The following PCDHGB1 variants were observed in gnomAD, a reference collection of about 807,000 sequenced individuals.
The protein encoded by PCDHGB1 is protocadherin gamma subfamily B, 1.
Under a neutral mutation model 56.6 loss-of-function variants are expected in PCDHGB1, and 34 were observed. That is an observed-to-expected ratio of 0.60 (90% CI 0.46 to 0.80). The LOEUF is 0.80. PCDHGB1 is among the 30% of genes least tolerant of loss of function. PCDHGB1 has a pLI of 0.00. For missense variants in PCDHGB1, 1,278 were observed against 1,204.6 expected, an observed-to-expected ratio of 1.06 and a Z score of -0.90; for synonymous variants, 561 against 505.9, an observed-to-expected ratio of 1.11 and a Z score of -1.46.
In PCDHGB1 at chr5:141,383,648, C is replaced by T. The variant is rs781494472; in HGVS notation, c.2409+30979C>T. 2.5e-6 allele frequency: 4 copies of T among 1,614,034 alleles called. No individual in the cohort carries two copies. The Admixed American group carries it at 6.7e-5, about 27-fold the overall frequency. On this transcript the variant is annotated intron_variant, in intron 1 of 3. Transcript: ENST00000523390. Reference sequence around the variant, plus strand: ...TTCTCTCTGCCTCAGTACCAAGTAACTGTCCCCGAGAATGTGCCAGTGGGT... The same window carrying T: ...TTCTCTCTGCCTCAGTACCAAGTAATTGTCCCCGAGAATGTGCCAGTGGGT...
intron 1 of PCDHGB1, chr5:141,399,746 C>G (rs1478736881): frequency 2.5e-6 from 4 of 1,613,242 alleles, no homozygotes; most frequent in African/African-American, 2.7e-5. Context: ...GCGCTCAGCG[C>G]AAACGTGAGC....
intron 2 of PCDHGB1, among the ~76,000 whole-genome samples, chr5:141,503,685 G>A (rs1171934407): frequency 2.6e-5 from 4 of 151,882 alleles, no homozygotes; most frequent in African/African-American, 9.7e-5. Context: ...TTGGGAAGGA[G>A]AATTGAGATT....
At chr5:141,364,591 G>A (rs754833725) in intron 1 of PCDHGB1, 1 of 1,614,194 alleles carries the variant, frequency 6.2e-7, no homozygotes, top group Non-Finnish European at 8.5e-7. Flanking sequence ...TGGTCACCGC[G>A]GGCAGGATAG....
chr5:141,436,193 A>G (rs2097801112), intron 1 of PCDHGB1, among the ~76,000 whole-genome samples: 1 of 152,156 alleles, frequency 6.6e-6, no homozygotes, highest in South Asian at 2.1e-4. Flanking sequence ...AAATAGAAAG[A>G]AAGACATAAT....
At chr5:141,357,087 A>C in intron 1 of PCDHGB1, 1 of 1,613,882 alleles carries the variant, frequency 6.2e-7, no homozygotes, top group Non-Finnish European at 8.5e-7. Flanking sequence ...TGCGCACCGC[A>C]CGGGCCCTGC....
chr5:141,470,358 A>G (rs1263824284), intron 1 of PCDHGB1, among the ~76,000 whole-genome samples: 2 of 152,174 alleles, frequency 1.3e-5, no homozygotes, highest in African/African-American at 4.8e-5. Context: ...AAATAGACAC[A>G]TTAGGTTGAA....
chr5:141,425,695 T>C (rs1329762653), intron 1 of PCDHGB1, among the ~76,000 whole-genome samples: 1 of 152,232 alleles, frequency 6.6e-6, no homozygotes, highest in Non-Finnish European at 1.5e-5. Context: ...TATCATTTCA[T>C]AGTGGTCAAA....
intron 1 of PCDHGB1, among the ~76,000 whole-genome samples, chr5:141,381,826 C>CTTTTTTTTTTTTTTTTT (rs770630741): frequency 6.7e-5 from 5 of 74,282 alleles, no homozygotes; most frequent in Admixed American, 1.9e-4. Flanking sequence ...CTTTCTTCTT[C>CTTTTTTTTTTTTTTTTT]TTTTTTTTTT....
rs150123769 is a variant in PCDHGB1 at position 141,361,160 on chromosome 5, A to T, written c.2409+8491A>T. ...CAAGTTGAAATTCTTGATGACAACG[A>T]TTGTGCACCTGAAGTTATTGTGACT... On this transcript the variant is annotated intron_variant, in intron 1 of 3. Coordinates refer to ENST00000523390, the MANE Select transcript of PCDHGB1 (RefSeq NM_018922.3). 21 of 1,613,952 alleles carry T rather than the reference A, an allele frequency of 1.3e-5. 1 individual carries two copies. In the African/African-American group the frequency reaches 2.3e-4, roughly 17 times the overall value.
intron 1 of PCDHGB1, chr5:141,399,207 A>T (rs771939823): frequency 1.2e-6 from 2 of 1,613,992 alleles, no homozygotes; most frequent in South Asian, 2.2e-5. Flanking sequence ...TGCCTGGAAC[A>T]CTAATTGCTT....
intron 1 of PCDHGB1, chr5:141,390,391 T>C: frequency 7.1e-7 from 1 of 1,399,002 alleles, no homozygotes; most frequent in Non-Finnish European, 9.8e-7. Flanking sequence ...ATGTCATGGA[T>C]CATTTTAGGA....
intron 1 of PCDHGB1, chr5:141,412,671 A>T (rs1335241581): frequency 6.6e-6 from 1 of 152,290 alleles, no homozygotes; most frequent in Non-Finnish European, 1.5e-5. Flanking sequence ...AATATGACCT[A>T]AAATAAGTAT....
In PCDHGB1 at chr5:141,364,854, A is replaced by G. The variant is rs142073719; in HGVS notation, c.2409+12185A>G. The G allele has an allele frequency of 1.4e-3, 2,225 of 1,614,018 alleles. 3 individuals carry two copies. Among genetic ancestry groups the G allele is most frequent in the Non-Finnish European group, 1.7e-3 (2,042 of 1,179,888 alleles). ...CTCCGGAGTTACCAGCTCAGCTCCA[A>G]TCTGCACTTCTCTCTGGATGTGGTA... On this transcript the variant is annotated intron_variant, in intron 1 of 3. Transcript: ENST00000523390.
At chr5:141,423,722 GT>G in intron 1 of PCDHGB1, 1 of 954,176 alleles carries the variant, frequency 1.0e-6, no homozygotes, top group Admixed American at 5.1e-5. Flanking sequence ...TTAAGGAGAT[GT>G]TTTTTGAGCC....
Position 141,491,573 on chromosome 5 carries a change from T to G in PCDHGB1, c.2410-3234T>G. The G allele has an allele frequency of 6.2e-7, 1 of 1,613,912 alleles. No individual in the cohort carries two copies. The highest frequency in any genetic ancestry group is 8.5e-7 in the Non-Finnish European group (1 of 1,180,030). The stretch of plus-strand genomic sequence containing the variant: ...CAGAGCCACTGCTACAGGACGTGCT[T>G]TTCACCGGCCTCGGACGGCAGTGAC... On this transcript the variant is annotated intron_variant, in intron 1 of 3. Transcript: ENST00000523390. The surrounding 1 kb of genome is among the most constrained non-coding windows in gnomAD (Gnocchi z 6.9).
Position 141,399,437 on chromosome 5 carries a change from A to T in PCDHGB1, c.2409+46768A>T, listed in dbSNP as rs780100815. The stretch of plus-strand genomic sequence containing the variant: ...TCCTCCAGCATAAGCGTCATCCTAC[A>T]TATCAGAGACGTCAACGATAACGCT... On this transcript the variant is annotated intron_variant, in intron 1 of 3. Coordinates refer to ENST00000523390, the MANE Select transcript of PCDHGB1 (RefSeq NM_018922.3). 22 of 1,613,998 alleles carry T rather than the reference A, an allele frequency of 1.4e-5. No individual in the cohort carries two copies. The South Asian group carries it at 2.2e-4, about 16-fold the overall frequency.
rs919100488 is a variant in PCDHGB1 at position 141,511,573 on chromosome 5, G to A, written c.*400G>A. On this transcript the variant is annotated 3_prime_UTR_variant, in exon 4 of 4. Transcript: ENST00000523390. ...ACAGTTCCTCTTTCCCGAGTAAGGT[G>A]GTTGGGGTGTTGAAGTACCAAGTAA... 1.1e-4 allele frequency: 33 copies of A among 288,248 alleles called. No individual in the cohort carries two copies. Among genetic ancestry groups the A allele is most frequent in the African/African-American group, 7.1e-4 (33 of 46,356 alleles). The allele number at this position is 288,248 out of a possible 1,614,324, so 17.9% of individuals were successfully genotyped here.
At chr5:141,508,841 C>G (rs969875150) in intron 3 of PCDHGB1, among the ~76,000 whole-genome samples, 1 of 152,140 alleles carries the variant, frequency 6.6e-6, no homozygotes, top group Admixed American at 6.5e-5. Flanking sequence ...TCCCCTACCC[C>G]TTCCATTCCC....
chr5:141,509,663 G>A (rs933532930), intron 3 of PCDHGB1, among the ~76,000 whole-genome samples: 1 of 152,140 alleles, frequency 6.6e-6, no homozygotes, highest in Non-Finnish European at 1.5e-5. Context: ...ACTTCTCTGG[G>A]CCCCAGTTTC....
Sources: allele counts gnomAD v4.1 joint callset (sites outside exome capture counted in the v4.1 genomes callset), GRCh38; gene constraint gnomAD v4.1.1; non-coding constraint Gnocchi (gnomAD v3.1); transcripts MANE v1.5; gene names NCBI Gene and HGNC (gene_info 2026-07-23, HGNC 2026-07-21).